GPSM2: variants seen among roughly 807,000 people sequenced by gnomAD.
GPSM2 encodes G protein-signaling modulator 2.
A neutral mutation model predicts 78.4 loss-of-function variants in GPSM2; 58 were observed. That is an observed-to-expected ratio of 0.74 (90% CI 0.60 to 0.92). The LOEUF (loss-of-function observed/expected upper bound fraction) is 0.92. Among genes scored for constraint, GPSM2 ranks in the 40% least tolerant of loss-of-function variants. The probability of loss-of-function intolerance (pLI) is 0.00; values close to 1 mark genes in which losing one functional copy is unlikely to be tolerated. For synonymous variants in GPSM2, 224 were observed against 280.2 expected (o/e 0.80, Z 2.00); for missense variants, 700 against 815.5 (o/e 0.86, Z 1.73).
intron 1 of GPSM2, among the ~76,000 whole-genome samples, chr1:108,877,962 C>T (rs1665714072): frequency 6.6e-6 from 1 of 152,136 alleles, no homozygotes; most frequent in Non-Finnish European, 1.5e-5. Flanking sequence ...CATAATTTAA[C>T]CACACCGTAG....
intron 10 of GPSM2, among the ~76,000 whole-genome samples, chr1:108,905,447 A>G (rs530266676): frequency 6.6e-6 from 1 of 152,250 alleles, no homozygotes; most frequent in East Asian, 1.9e-4. Flanking sequence ...CAAATATATC[A>G]TTCAGTTTTC....
chr1:108,898,931 A>G lies in GPSM2; in HGVS notation c.734A>G (p.Tyr245Cys). 2 of 1,613,524 alleles carry G rather than the reference A, an allele frequency of 1.2e-6. No individual in the cohort carries two copies. The highest frequency in any genetic ancestry group is 1.7e-6 in the Non-Finnish European group (2 of 1,179,428). Reference protein sequence around the residue: ...FGDKAAERRAYSNLGNAYIFL... With the variant: ...FGDKAAERRACSNLGNAYIFL... ...GATAAAGCAGCTGAAAGAAGAGCAT[A>G]TAGCAACCTTGGAAATGCATATATA... The change falls in exon 7 of 15, where the codon TAT (tyrosine) becomes TGT (cysteine). Residue 245 changes from tyrosine to cysteine, a missense_variant. Transcript: ENST00000264126.
Position 108,904,704 on chromosome 1 carries a change from C to A in GPSM2, c.1192+450C>A, listed in dbSNP as rs1339803251. Among the ~76,000 whole-genome samples, 14 of 151,610 alleles carry A rather than the reference C, an allele frequency of 9.2e-5. 1 individual carries two copies. The East Asian group carries it at 2.5e-3, about 27-fold the overall frequency. ...CCATTTCATTTCCAAGGTGAATTTT[C>A]TTAGGACTTTTTTAAATTCAGAAAA... On this transcript the variant is annotated intron_variant, in intron 10 of 14. Transcript: ENST00000264126.
chr1:108,916,279 G>C (rs1215878460), intron 11 of GPSM2, among the ~76,000 whole-genome samples: 1 of 149,890 alleles, frequency 6.7e-6, no homozygotes, highest in Middle Eastern at 3.2e-3. Flanking sequence ...AAAAGAAAAA[G>C]GAACATCTTT....
chr1:108,922,975 C>T (rs928691194), intron 13 of GPSM2, among the ~76,000 whole-genome samples: 1 of 152,034 alleles, frequency 6.6e-6, no homozygotes, highest in Admixed American at 6.6e-5. Flanking sequence ...CACTGCACTC[C>T]AGCATGGGCA....
chr1:108,892,644 A>G (rs917410824), intron 2 of GPSM2, among the ~76,000 whole-genome samples: 1 of 152,122 alleles, frequency 6.6e-6, no homozygotes, highest in African/African-American at 2.4e-5. Context: ...ACATGTGGGT[A>G]TGTTCTTTGT....
rs748241850 is a variant in GPSM2 at position 108,903,106 on chromosome 1, C to T, written c.954-20C>T. 12 of 1,426,360 alleles carry T rather than the reference C, an allele frequency of 8.4e-6. No individual in the cohort carries two copies. Among genetic ancestry groups the T allele is most frequent in the Admixed American group, 1.7e-5 (1 of 59,736 alleles). The allele number at this position is 1,426,360 out of a possible 1,614,324, so 88.4% of individuals were successfully genotyped here. ...ACCTCTTTTCAAATAACTGCATGTT[C>T]GCTTTGAATAACGTTTTAGAATTGG... On this transcript the variant is annotated intron_variant, in intron 8 of 14. Coordinates refer to ENST00000264126, the MANE Select transcript of GPSM2 (RefSeq NM_013296.5).
rs560026867 is a variant in GPSM2 at position 108,890,881 on chromosome 1, A to T, written c.56+5303A>T. Among the ~76,000 whole-genome samples, 14 of 144,584 alleles carry T rather than the reference A, an allele frequency of 9.7e-5. No individual in the cohort carries two copies. The East Asian group carries it at 2.8e-3, about 29-fold the overall frequency. 94.9% of individuals were successfully genotyped at this position (144,584 alleles called of 152,430 possible). The stretch of plus-strand genomic sequence containing the variant: ...ACTGATAGCAAGTACAATTTAAGTT[A>T]AAAAAAAATTATATGGTTGATTTTT... On this transcript the variant is annotated intron_variant, in intron 2 of 14. Coordinates refer to ENST00000264126, the MANE Select transcript of GPSM2 (RefSeq NM_013296.5).
intron 10 of GPSM2, among the ~76,000 whole-genome samples, chr1:108,911,894 C>T (rs1439826670): frequency 6.6e-6 from 1 of 150,438 alleles, no homozygotes; most frequent in Admixed American, 6.6e-5. Context: ...CAGCCTCTAC[C>T]TCCCAGGCTC....
chr1:108,878,457 T>C (rs1348177422), intron 1 of GPSM2, among the ~76,000 whole-genome samples: 1 of 152,244 alleles, frequency 6.6e-6, no homozygotes, highest in Admixed American at 6.5e-5. Context: ...AGCAGTTTAA[T>C]TGTATTTTCT....
chr1:108,925,311 T>C (rs1318948832), intron 14 of GPSM2, among the ~76,000 whole-genome samples: 1 of 152,184 alleles, frequency 6.6e-6, no homozygotes, highest in Non-Finnish European at 1.5e-5. Context: ...AGTAGAGGTG[T>C]TAAATAGGCA....
intron 10 of GPSM2, among the ~76,000 whole-genome samples, chr1:108,908,678 C>T (rs887560107): frequency 5.2e-5 from 7 of 135,440 alleles, no homozygotes; most frequent in South Asian, 2.2e-4. Context: ...TCAAAACACA[C>T]GTGCGCGCAC....
In GPSM2 at chr1:108,904,144, AACTAACAGCACG is replaced by A; in HGVS notation, c.1086_1097del (p.Thr363_Leu366del). ...TTGTAGGTTGGGGATAAAAGTGGTG[AACTAACAGCACG>A]ACTTAATCTCTCAGACCTTCAAATG... On this transcript the variant is annotated inframe_deletion, in exon 10 of 15. Transcript: ENST00000264126. 1 of 1,600,272 alleles carries A rather than the reference AACTAACAGCACG, an allele frequency of 6.2e-7. No individual in the cohort carries two copies. Among genetic ancestry groups the A allele is most frequent in the Non-Finnish European group, 8.6e-7 (1 of 1,168,166 alleles).
At chr1:108,912,718 T>C (rs550719123) in intron 10 of GPSM2, among the ~76,000 whole-genome samples, 176 of 152,042 alleles carry the variant, frequency 1.2e-3, no homozygotes, top group African/African-American at 4.1e-3. Context: ...CACTCCAGCC[T>C]GGGCAACAGA....
chr1:108,915,368 C>CA (rs778325980), intron 11 of GPSM2, among the ~76,000 whole-genome samples: 3,290 of 91,104 alleles, frequency 0.036, 79 homozygotes, highest in East Asian at 0.12. Context: ...AGACTTGTCT[C>CA]AAAAAAAAAA....
At chr1:108,902,020 G>T (rs1221233912) in intron 8 of GPSM2, 75 bp downstream of exon 8, 49 of 1,083,454 alleles carry the variant, frequency 4.5e-5, no homozygotes. Flanking sequence ...TTTTTCCTTT[G>T]TTTCTTTTCC....
intron 14 of GPSM2, 45 bp from the exon 15 acceptor site, chr1:108,929,654 CTT>C (rs777636994): frequency 6.3e-7 from 1 of 1,590,592 alleles, no homozygotes; most frequent in Non-Finnish European, 8.6e-7. Flanking sequence ...TAGCTTGGTG[CTT>C]TCTTTCCCAC....
chr1:108,891,813 T>C (rs189765108), intron 2 of GPSM2, among the ~76,000 whole-genome samples: 8 of 152,072 alleles, frequency 5.3e-5, no homozygotes, highest in Admixed American at 1.3e-4. Flanking sequence ...CCTCAGAGGG[T>C]TATTTTGAGA....
chr1:108,908,871 G>A (rs1276017219), intron 10 of GPSM2, among the ~76,000 whole-genome samples: 1 of 150,746 alleles, frequency 6.6e-6, no homozygotes, highest in Non-Finnish European at 1.5e-5. Flanking sequence ...GTGCATGGTG[G>A]CATGAGCCTG....
Sources: gnomAD v4.1 joint callset for allele counts (sites outside exome capture counted in the v4.1 genomes callset) on GRCh38, gnomAD v4.1.1 for gene constraint, MANE v1.5 for transcripts, NCBI Gene and HGNC (gene_info 2026-07-23, HGNC 2026-07-21) for gene names.